The following CDH13 variants were observed in gnomAD, a reference collection of about 807,000 sequenced individuals.
CDH13 encodes the protein cadherin 13, also known as cadherin-13.
Under a neutral mutation model 63.8 loss-of-function variants are expected in CDH13, and 24 were observed. The observed-to-expected ratio is 0.38, with a 90% CI of 0.27 to 0.53. The LOEUF is 0.53. Ranked by LOEUF, CDH13 falls within the 20% of genes least tolerant of loss-of-function variation. CDH13 has a pLI of 0.85. For synonymous variants in CDH13, 503 were observed against 355.3 expected, an observed-to-expected ratio of 1.42 and a Z score of -4.67; for missense variants, 1,049 against 903.1, an observed-to-expected ratio of 1.16 and a Z score of -2.07.
At chr16:82,662,679 C>G (rs1001372351) in intron 1 of CDH13, among the ~76,000 whole-genome samples, 2 of 152,214 alleles carry the variant, frequency 1.3e-5, no homozygotes, top group Non-Finnish European at 2.9e-5. Context: ...GGACCTCTCA[C>G]TACTAATCTT....
rs576100941 is a variant in CDH13 at position 83,382,454 on chromosome 16, T to G, written c.781+37448T>G. 2.6e-5 allele frequency among the ~76,000 whole-genome samples: 4 copies of G among 152,272 alleles called. No individual in the cohort carries two copies. In the East Asian group the frequency reaches 7.7e-4, roughly 29 times the overall value. On this transcript the variant is annotated intron_variant, in intron 6 of 13. Transcript: ENST00000567109. ...ACCCCCTCATGCTGATCCCCAGCTA[T>G]TCACATTTCACTGCGTACACTCTAT...
At chr16:83,309,601 T>C (rs2089956323) in intron 5 of CDH13, among the ~76,000 whole-genome samples, 1 of 151,962 alleles carries the variant, frequency 6.6e-6, no homozygotes, top group Non-Finnish European at 1.5e-5. Flanking sequence ...GATCTCGAAC[T>C]CCTGACCTCG....
chr16:83,018,480 G>T (rs548131569), intron 2 of CDH13, among the ~76,000 whole-genome samples: 1 of 152,146 alleles, frequency 6.6e-6, no homozygotes, highest in Non-Finnish European at 1.5e-5. Context: ...TGCTGGAATT[G>T]CTTCCACAAT....
intron 8 of CDH13, among the ~76,000 whole-genome samples, chr16:83,664,221 T>C (rs1913719957): frequency 6.6e-6 from 1 of 152,118 alleles, no homozygotes; most frequent in South Asian, 2.1e-4. Flanking sequence ...GGTGGGTTCC[T>C]GAATATTCTT....
intron 3 of CDH13, among the ~76,000 whole-genome samples, chr16:83,090,295 G>A (rs57032160): frequency 0.15 from 22,754 of 152,070 alleles, 2,177 homozygotes; most frequent in African/African-American, 0.27. Context: ...TCGTTTGTGG[G>A]CCGGGCACGG....
intron 6 of CDH13, among the ~76,000 whole-genome samples, chr16:83,434,549 C>T (rs1322020220): frequency 6.6e-6 from 1 of 152,098 alleles, no homozygotes; most frequent in African/African-American, 2.4e-5. Context: ...AACCTAGAGT[C>T]CCTCCTCCAC....
In CDH13 at chr16:83,536,644, T is replaced by A. The variant is rs956438191; in HGVS notation, c.960+49989T>A. Among the ~76,000 whole-genome samples the A allele has an allele frequency of 4.6e-5, 7 of 152,172 alleles. No individual in the cohort carries two copies. In the South Asian group the frequency reaches 1.5e-3, roughly 32 times the overall value. The stretch of plus-strand genomic sequence containing the variant: ...GTATATTAAGTTATATGGAGATATA[T>A]ACAGAGATGCATCTTTGGAAAGATG... On this transcript the variant is annotated intron_variant, in intron 7 of 13. Transcript: ENST00000567109.
intron 2 of CDH13, among the ~76,000 whole-genome samples, chr16:82,928,164 A>G (rs201543281): frequency 8.6e-5 from 13 of 150,924 alleles, no homozygotes; most frequent in African/African-American, 2.4e-4. Context: ...GCAGTCGTGT[A>G]TGTGTGTGTG....
At chr16:83,012,085 C>G (rs935903104) in intron 2 of CDH13, among the ~76,000 whole-genome samples, 5 of 152,258 alleles carry the variant, frequency 3.3e-5, no homozygotes, top group Middle Eastern at 3.4e-3. Flanking sequence ...GAAAGAGGAA[C>G]TCATTGGTGA....
chr16:83,138,478 C>T (rs192512314), intron 4 of CDH13, among the ~76,000 whole-genome samples: 2 of 152,308 alleles, frequency 1.3e-5, no homozygotes, highest in Admixed American at 1.3e-4. Flanking sequence ...AAGCGCTCTC[C>T]AGGCAGTGGG....
intron 1 of CDH13, among the ~76,000 whole-genome samples, chr16:82,808,916 G>A (rs1260922858): frequency 6.6e-6 from 1 of 151,990 alleles, no homozygotes; most frequent in East Asian, 1.9e-4. Context: ...CCTTATACCT[G>A]CCCTCATGTT....
chr16:83,411,827 A>G (rs2092130479), intron 6 of CDH13, among the ~76,000 whole-genome samples: 1 of 152,214 alleles, frequency 6.6e-6, no homozygotes, highest in African/African-American at 2.4e-5. Flanking sequence ...TCATATGTGT[A>G]CTGGCATCTG....
At chr16:83,117,817 T>A (rs1479743100) in intron 3 of CDH13, among the ~76,000 whole-genome samples, 2 of 139,798 alleles carry the variant, frequency 1.4e-5, no homozygotes, top group East Asian at 5.1e-4. Flanking sequence ...GTTTCAGGGG[T>A]CTCCCCTTTA....
intron 5 of CDH13, among the ~76,000 whole-genome samples, chr16:83,334,465 G>T (rs946173839): frequency 2.0e-5 from 3 of 151,288 alleles, no homozygotes; most frequent in Admixed American, 1.3e-4. Flanking sequence ...TCAACCTTCC[G>T]GGCTCAAGTG....
rs190635016 is a variant in CDH13 at position 82,976,958 on chromosome 16, A to T, written c.158-55052A>T. On this transcript the variant is annotated intron_variant, in intron 2 of 13. Coordinates refer to ENST00000567109, the MANE Select transcript of CDH13 (RefSeq NM_001257.5). ...GGAGAGGGCCTGGAACTCTTGGTCC[A>T]TCAGTCTGGCTTTGTCCTGTCTATT... is the stretch of plus-strand genomic sequence containing the variant. Among the ~76,000 whole-genome samples the T allele has an allele frequency of 1.2e-3, 189 of 152,326 alleles. 3 individuals are homozygous for T. Among genetic ancestry groups the T allele is most frequent in the Admixed American group, 0.01 (158 of 15,302 alleles).
chr16:83,548,125 G>C (rs2075422850), intron 7 of CDH13, among the ~76,000 whole-genome samples: 1 of 152,146 alleles, frequency 6.6e-6, no homozygotes, highest in African/African-American at 2.4e-5. Flanking sequence ...GCCAAGAGCA[G>C]GTGTCCAGGT....
intron 9 of CDH13, among the ~76,000 whole-genome samples, chr16:83,673,544 T>G (rs1230012473): frequency 6.6e-6 from 1 of 151,112 alleles, no homozygotes; most frequent in Non-Finnish European, 1.5e-5. Flanking sequence ...TTAACCAACC[T>G]TGGCAACAGA....
chr16:83,780,038 C>T lies in CDH13; in HGVS notation c.1752C>T (p.Phe584=). The change falls in exon 12 of 14, where the codon TTC becomes TTT. Residue 584 remains phenylalanine (F), a synonymous_variant. Transcript: ENST00000567109. The part of the protein sequence containing the change: ...TLEDVNDNAP[F]IYPTVAEVCD... Reference sequence around the variant, plus strand: ...AGGACGTGAATGACAATGCCCCGTTCATTTACCCCACAGTAGCTGAAGTCT... The same window carrying T: ...AGGACGTGAATGACAATGCCCCGTTTATTTACCCCACAGTAGCTGAAGTCT... 6.2e-7 allele frequency: 1 copy of T among 1,613,960 alleles called. No homozygotes were observed. The highest frequency in any genetic ancestry group is 8.5e-7 in the Non-Finnish European group (1 of 1,179,876).
At chr16:83,257,255 C>T (rs768192164) in intron 5 of CDH13, among the ~76,000 whole-genome samples, 2 of 146,758 alleles carry the variant, frequency 1.4e-5, no homozygotes, top group Non-Finnish European at 1.5e-5. Context: ...GGAGAGAAAG[C>T]GACGGTGAGC....
Sources: allele counts gnomAD v4.1 joint callset (sites outside exome capture counted in the v4.1 genomes callset), GRCh38; gene constraint gnomAD v4.1.1; transcripts MANE v1.5; gene names NCBI Gene and HGNC (gene_info 2026-07-23, HGNC 2026-07-21).